SORCS2: variants seen among roughly 807,000 people sequenced by gnomAD.
SORCS2 encodes the protein sortilin related VPS10 domain containing receptor 2, also known as VPS10 domain-containing receptor SorCS2.
Under a neutral mutation model 141.6 loss-of-function variants are expected in SORCS2, and 100 were observed. The ratio of observed to expected loss-of-function variants is 0.71; its 90% CI spans 0.60 to 0.83. The LOEUF is 0.83. SORCS2 is among the 40% of genes least tolerant of loss of function. The probability of loss-of-function intolerance (pLI) is 0.00; values close to 1 mark genes in which losing one functional copy is unlikely to be tolerated. For synonymous variants in SORCS2, 789 were observed against 676.9 expected (o/e 1.17, Z -2.57); for missense variants, 1,646 against 1,560.2 (o/e 1.05, Z -0.93).
chr4:7,443,878 A>G (rs755776587), intron 2 of SORCS2, among the ~76,000 whole-genome samples: 135 of 152,196 alleles, frequency 8.9e-4, no homozygotes, highest in Non-Finnish European at 1.5e-3. Flanking sequence ...GTCCTCCCCA[A>G]TGTGGGCATG....
chr4:7,646,502 C>T (rs192604919), intron 4 of SORCS2, among the ~76,000 whole-genome samples: 3 of 152,146 alleles, frequency 2.0e-5, no homozygotes, highest in Middle Eastern at 3.4e-3. Flanking sequence ...CAGACAGAGG[C>T]GGGAGTGGTG....
At chr4:7,501,712 G>A (rs975148079) in intron 2 of SORCS2, among the ~76,000 whole-genome samples, 4 of 152,186 alleles carry the variant, frequency 2.6e-5, no homozygotes, top group Non-Finnish European at 4.4e-5. Flanking sequence ...TGAAGGAATC[G>A]GCAGGTGTAT....
chr4:7,673,134 A>T (rs939219208), intron 8 of SORCS2, among the ~76,000 whole-genome samples: 6 of 152,252 alleles, frequency 3.9e-5, no homozygotes, highest in African/African-American at 1.4e-4. Context: ...CCTGTTATTT[A>T]TAACTCTAAT....
intron 3 of SORCS2, among the ~76,000 whole-genome samples, chr4:7,566,697 T>G (rs945920122): frequency 6.6e-6 from 1 of 152,248 alleles, no homozygotes; most frequent in Non-Finnish European, 1.5e-5. Flanking sequence ...CCTTAGGAAG[T>G]GACGTGCATT....
At chr4:7,555,632 C>T (rs1031691408) in intron 3 of SORCS2, among the ~76,000 whole-genome samples, 4 of 152,162 alleles carry the variant, frequency 2.6e-5, no homozygotes, top group South Asian at 2.1e-4. Flanking sequence ...GGGAAACTGA[C>T]GTTGATTTAA....
Position 7,682,799 on chromosome 4 carries a change from G to A in SORCS2, c.1398G>A (p.Met466Ile), listed in dbSNP as rs1244263660. The A allele has an allele frequency of 6.2e-7, 1 of 1,612,714 alleles. No homozygotes were observed. Among genetic ancestry groups the A allele is most frequent in the African/African-American group, 1.3e-5 (1 of 74,914 alleles). The change falls in exon 10 of 27, where the codon ATG (methionine) becomes ATA (isoleucine). Residue 466 changes from methionine (M) to isoleucine (I), a missense_variant. By Grantham distance (10) the Met-to-Ile change is conservative (BLOSUM62 1). Coordinates refer to ENST00000507866, the MANE Select transcript of SORCS2 (RefSeq NM_020777.3). ...LANQKIDGKVMTLITYNKGRD... is the reference protein window; with the variant it reads ...LANQKIDGKVITLITYNKGRD... ...ACCAAAAAATTGATGGGAAAGTGAT[G>A]ACGCTTATAACCTACAACAAGGGCC...
intron 18 of SORCS2, 23 bp downstream of exon 18, chr4:7,718,206 G>T: frequency 2.5e-6 from 4 of 1,602,994 alleles, no homozygotes; most frequent in Non-Finnish European, 2.5e-6. Context: ...CTCCCAGCAG[G>T]CTCCTGGGAC....
At chr4:7,719,878 T>C (rs1726463932) in intron 18 of SORCS2, among the ~76,000 whole-genome samples, 1 of 152,102 alleles carries the variant, frequency 6.6e-6, no homozygotes, top group South Asian at 2.1e-4. Flanking sequence ...GAGCTGGAGT[T>C]GGCGGAAGTG....
rs71173496 is a variant in SORCS2, at chr4:7,373,478, A to ATTTTT, written c.481-22786_481-22782dup. Among the ~76,000 whole-genome samples, 165 of 36,820 alleles carry ATTTTT rather than the reference A, an allele frequency of 4.5e-3. 22 individuals are homozygous for ATTTTT. Among genetic ancestry groups the ATTTTT allele is most frequent in the Non-Finnish European group, 5.2e-3 (126 of 24,132 alleles). The allele number at this position is 36,820 out of a possible 152,430, so 24.2% of individuals were successfully genotyped here. ...AACTTTTATATATATATATATATAT[A>ATTTTT]TTTTTTTTTTTTTTTTTTTTTTTTT... On this transcript the variant is annotated intron_variant, in intron 1 of 26. Transcript: ENST00000507866.
chr4:7,741,494 C>T lies in SORCS2; in HGVS notation c.*1230C>T, dbSNP rs1401873076. ...CCTTGAAATGGGAAGTCAGTAGCCC[C>T]TTCCTCCTCCTCCCTCCTCCCCCTC... On this transcript the variant is annotated 3_prime_UTR_variant, in exon 27 of 27. Coordinates refer to ENST00000507866, the MANE Select transcript of SORCS2 (RefSeq NM_020777.3). 4 of 355,850 alleles carry T rather than the reference C, an allele frequency of 1.1e-5. No individual in the cohort carries two copies. The highest frequency in any genetic ancestry group is 8.4e-5 in the East Asian group (2 of 23,722). 22.0% of individuals were successfully genotyped at this position (355,850 alleles called of 1,614,324 possible).
intron 2 of SORCS2, among the ~76,000 whole-genome samples, chr4:7,512,789 G>C (rs1732742403): frequency 1.3e-5 from 2 of 152,042 alleles, no homozygotes; most frequent in Non-Finnish European, 2.9e-5. Context: ...CTGTCCTTGT[G>C]TGACCCCCAC....
At chr4:7,237,743 T>G (rs1348026370) in intron 1 of SORCS2, among the ~76,000 whole-genome samples, 1 of 151,880 alleles carries the variant, frequency 6.6e-6, no homozygotes, top group Non-Finnish European at 1.5e-5. Context: ...GGGCCATGAG[T>G]TTACGTCAGA....
chr4:7,235,062 C>T (rs1213584142), intron 1 of SORCS2, among the ~76,000 whole-genome samples: 1 of 152,236 alleles, frequency 6.6e-6, no homozygotes, highest in African/African-American at 2.4e-5. Context: ...CTGGGCTCTG[C>T]GTTGCATCCC....
At chr4:7,410,310 C>A (rs185243384) in intron 2 of SORCS2, among the ~76,000 whole-genome samples, 3 of 152,254 alleles carry the variant, frequency 2.0e-5, no homozygotes, top group Non-Finnish European at 4.4e-5. Flanking sequence ...CTTTGGTCAT[C>A]CAGAAAGAGG....
chr4:7,361,528 C>G (rs1721577954), intron 1 of SORCS2, among the ~76,000 whole-genome samples: 1 of 151,336 alleles, frequency 6.6e-6, no homozygotes, highest in South Asian at 2.1e-4. Context: ...ATGGGCTGGA[C>G]ACCATAATAG....
chr4:7,280,604 C>T (rs986644076), intron 1 of SORCS2, among the ~76,000 whole-genome samples: 6 of 152,166 alleles, frequency 3.9e-5, no homozygotes, highest in East Asian at 1.9e-4. Flanking sequence ...TAAGAATATA[C>T]GTAGCTCTGT....
intron 3 of SORCS2, among the ~76,000 whole-genome samples, chr4:7,551,849 C>G (rs1343150881): frequency 6.6e-6 from 1 of 152,198 alleles, no homozygotes; most frequent in Non-Finnish European, 1.5e-5. Context: ...GAGACTTTGA[C>G]TAGGTATATG....
intron 1 of SORCS2, among the ~76,000 whole-genome samples, chr4:7,281,326 A>G (rs1409708735): frequency 6.6e-6 from 1 of 151,908 alleles, no homozygotes; most frequent in Non-Finnish European, 1.5e-5. Context: ...GGTGGCTGAC[A>G]TGTTGGCAAA....
chr4:7,406,376 T>TTA (rs1724971777), intron 2 of SORCS2, among the ~76,000 whole-genome samples: 1 of 151,484 alleles, frequency 6.6e-6, no homozygotes, highest in African/African-American at 2.4e-5. Context: ...GGCTTTTTTT[T>TTA]TTTTGATAGG....
Sources: allele counts gnomAD v4.1 joint callset (sites outside exome capture counted in the v4.1 genomes callset), GRCh38; gene constraint gnomAD v4.1.1; transcripts MANE v1.5; gene names NCBI Gene and HGNC (gene_info 2026-07-23, HGNC 2026-07-21).